SLC8A1: variants seen among roughly 807,000 people sequenced by gnomAD.
SLC8A1 encodes the protein solute carrier family 8 member A1.
In SLC8A1, 18 loss-of-function variants were observed where a neutral mutation model predicts 68.3. The observed-to-expected ratio is 0.26, with a 90% CI of 0.18 to 0.39. SLC8A1 has a LOEUF of 0.39. SLC8A1 is among the 10% of genes least tolerant of loss of function. The pLI, the probability that SLC8A1 is intolerant of heterozygous loss-of-function variation, is 1.00. For synonymous variants in SLC8A1, 475 were observed against 415.5 expected (o/e 1.14, Z -1.74); for missense variants, 985 against 1,156.7 (o/e 0.85, Z 2.15).
chr2:40,273,952 C>T (rs1223457379), intron 2 of SLC8A1, among the ~76,000 whole-genome samples: 2 of 150,122 alleles, frequency 1.3e-5, no homozygotes, highest in African/African-American at 4.9e-5. Flanking sequence ...CACCAGGGGG[C>T]TCTGTCCCCC....
chr2:40,259,838 T>C (rs1313087972), intron 2 of SLC8A1, among the ~76,000 whole-genome samples: 1 of 152,176 alleles, frequency 6.6e-6, no homozygotes, highest in Non-Finnish European at 1.5e-5. Context: ...TTTAATTTTC[T>C]CTTGGCCATG....
intron 2 of SLC8A1, among the ~76,000 whole-genome samples, chr2:40,280,251 T>TAA (rs67427562): frequency 0.25 from 23,188 of 93,800 alleles, 3,285 homozygotes; most frequent in African/African-American, 0.32. Flanking sequence ...AAATAAACAC[T>TAA]AAAAAAAAAA....
At chr2:40,384,219 T>C in intron 2 of SLC8A1, among the ~76,000 whole-genome samples, 1 of 152,110 alleles carries the variant, frequency 6.6e-6, no homozygotes. Flanking sequence ...AATGTGCCAC[T>C]GCACTTTAGT....
chr2:40,264,845 A>G (rs974983209), intron 2 of SLC8A1, among the ~76,000 whole-genome samples: 4 of 54,974 alleles, frequency 7.3e-5, no homozygotes, highest in East Asian at 4.8e-4. Flanking sequence ...AACTTAAAGT[A>G]TAAAAAAAAA....
chr2:40,431,167 G>A (rs374825100), intron 1 of SLC8A1, among the ~76,000 whole-genome samples: 1 of 151,962 alleles, frequency 6.6e-6, no homozygotes, highest in South Asian at 2.1e-4. Flanking sequence ...GGCTGGAAAG[G>A]GAGATAAACA....
chr2:40,413,095 G>A (rs565495315), intron 2 of SLC8A1, among the ~76,000 whole-genome samples: 6 of 152,032 alleles, frequency 3.9e-5, no homozygotes, highest in Admixed American at 1.3e-4. Flanking sequence ...TAAAAAGTCA[G>A]GAAACAACAG....
intron 2 of SLC8A1, among the ~76,000 whole-genome samples, chr2:40,221,656 G>A: frequency 6.6e-6 from 1 of 152,146 alleles, no homozygotes; most frequent in Non-Finnish European, 1.5e-5. Context: ...TCCTTAAGCT[G>A]ATAAGCAACT....
intron 7 of SLC8A1, among the ~76,000 whole-genome samples, chr2:40,127,256 A>C (rs73927117): frequency 6.6e-6 from 1 of 152,334 alleles, no homozygotes; most frequent in East Asian, 1.9e-4. Flanking sequence ...CTCTCAGGAT[A>C]AGAATACTTG....
At chr2:40,402,221 A>T (rs1046523266) in intron 2 of SLC8A1, among the ~76,000 whole-genome samples, 2 of 152,216 alleles carry the variant, frequency 1.3e-5, no homozygotes, top group Admixed American at 1.3e-4. Context: ...ATGTATTGGC[A>T]TGCTAAAAGA....
intron 2 of SLC8A1, among the ~76,000 whole-genome samples, chr2:40,410,975 G>C (rs1419959716): frequency 6.6e-6 from 1 of 151,984 alleles, no homozygotes; most frequent in Non-Finnish European, 1.5e-5. Context: ...CCTTTCTATA[G>C]TACTGCAATA....
intron 1 of SLC8A1, among the ~76,000 whole-genome samples, chr2:40,505,482 A>G: frequency 6.6e-6 from 1 of 151,902 alleles, no homozygotes; most frequent in Admixed American, 6.6e-5. Flanking sequence ...GTACCCACAA[A>G]ACATTTTTAA....
chr2:40,467,196 G>A (rs1025641104), intron 1 of SLC8A1, among the ~76,000 whole-genome samples: 1 of 152,058 alleles, frequency 6.6e-6, no homozygotes, highest in African/African-American at 2.4e-5. Context: ...CTCCCAGAAG[G>A]GTTGCTCAGC....
At chr2:40,472,327 C>T (rs1704034288) in intron 1 of SLC8A1, among the ~76,000 whole-genome samples, 1 of 152,084 alleles carries the variant, frequency 6.6e-6, no homozygotes. Flanking sequence ...TGAAACATTC[C>T]ATCTTCCTTA....
chr2:40,417,745 C>T (rs945185564), intron 2 of SLC8A1, among the ~76,000 whole-genome samples: 4 of 152,092 alleles, frequency 2.6e-5, no homozygotes, highest in Non-Finnish European at 4.4e-5. Flanking sequence ...GCAGAAATGG[C>T]CTTTGGATGG....
intron 2 of SLC8A1, among the ~76,000 whole-genome samples, chr2:40,317,893 C>T (rs958698054): frequency 1.3e-5 from 2 of 152,024 alleles, no homozygotes; most frequent in African/African-American, 2.4e-5. Flanking sequence ...CTTCACTCCT[C>T]GAGGTGGTAT....
At chr2:40,377,931 T>C (rs1170738215) in intron 2 of SLC8A1, among the ~76,000 whole-genome samples, 1 of 152,166 alleles carries the variant, frequency 6.6e-6, no homozygotes, top group African/African-American at 2.4e-5. Context: ...TAATGAAGTC[T>C]TCTTATTGTC....
intron 2 of SLC8A1, among the ~76,000 whole-genome samples, chr2:40,348,449 T>C (rs888138549): frequency 8.5e-5 from 13 of 152,182 alleles, no homozygotes; most frequent in African/African-American, 3.1e-4. Context: ...GCCAAACCCA[T>C]ACATCTAATA....
chr2:40,356,742 A>G lies in SLC8A1; in HGVS notation c.1808+71731T>C, dbSNP rs80282215. ...CTAAGGGAGACAAGCACTTATGTCTACTTAAATCGGCCTGCTTTTTCAGGC... is the reference window on the plus strand; with the variant it reads ...CTAAGGGAGACAAGCACTTATGTCTGCTTAAATCGGCCTGCTTTTTCAGGC... On this transcript the variant is annotated intron_variant, in intron 2 of 7. Coordinates refer to ENST00000406785, the Ensembl canonical transcript of SLC8A1. 3.3e-5 allele frequency among the ~76,000 whole-genome samples: 5 copies of G among 152,322 alleles called. No individual in the cohort carries two copies. In the East Asian group the frequency reaches 9.7e-4, roughly 29 times the overall value.
At chr2:40,157,551 T>C (rs2044780256) in intron 6 of SLC8A1, among the ~76,000 whole-genome samples, 1 of 152,192 alleles carries the variant, frequency 6.6e-6, no homozygotes, top group Non-Finnish European at 1.5e-5. Flanking sequence ...GTTTGCCCTC[T>C]TCTCTGACAC....
Sources: gnomAD v4.1 joint callset for allele counts (sites outside exome capture counted in the v4.1 genomes callset) on GRCh38, gnomAD v4.1.1 for gene constraint, MANE v1.5 for transcripts, NCBI Gene and HGNC (gene_info 2026-07-23, HGNC 2026-07-21) for gene names.